Variants in EPHA5 observed in about 807,000 individuals in gnomAD.
EPHA5 encodes ephrin type-A receptor 5.
In EPHA5, 60 loss-of-function variants were observed where a neutral mutation model predicts 105.0. The ratio of observed to expected loss-of-function variants is 0.57; its 90% CI spans 0.46 to 0.71. The LOEUF is 0.71. Among genes scored for constraint, EPHA5 ranks in the 30% least tolerant of loss-of-function variants. The probability of loss-of-function intolerance (pLI) is 0.00; values close to 1 mark genes in which losing one functional copy is unlikely to be tolerated. For synonymous variants in EPHA5, 513 were observed against 449.1 expected, an observed-to-expected ratio of 1.14 and a Z score of -1.80; for missense variants, 1,218 against 1,274.7, an observed-to-expected ratio of 0.96 and a Z score of 0.68.
chr4:65,327,299 G>C (rs1340510139), intron 16 of EPHA5, among the ~76,000 whole-genome samples: 1 of 151,168 alleles, frequency 6.6e-6, no homozygotes, highest in Non-Finnish European at 1.5e-5. Flanking sequence ...GTGAACTAGG[G>C]ATAAAATTTT....
chr4:65,326,222 A>C (rs184849711), intron 16 of EPHA5, among the ~76,000 whole-genome samples: 2 of 151,200 alleles, frequency 1.3e-5, no homozygotes, highest in Admixed American at 1.3e-4. Flanking sequence ...TGAGGAAACA[A>C]AGGCTTAGAT....
intron 1 of EPHA5, among the ~76,000 whole-genome samples, chr4:65,653,124 T>C (rs1197860135): frequency 6.6e-6 from 1 of 152,058 alleles, no homozygotes; most frequent in Non-Finnish European, 1.5e-5. Context: ...AAACAACCTA[T>C]ATAATCATTA....
intron 5 of EPHA5, among the ~76,000 whole-genome samples, chr4:65,425,024 T>C (rs764349713): frequency 1.3e-5 from 2 of 152,046 alleles, no homozygotes; most frequent in Non-Finnish European, 2.9e-5. Context: ...TAGAATCAAG[T>C]ATTGGTTACT....
intron 3 of EPHA5, among the ~76,000 whole-genome samples, chr4:65,577,431 C>T (rs1285629100): frequency 6.6e-6 from 1 of 151,986 alleles, no homozygotes; most frequent in Non-Finnish European, 1.5e-5. Flanking sequence ...TTTTTAAAAT[C>T]TGCTTTATTA....
At chr4:65,342,634 C>A (rs1052515367) in intron 14 of EPHA5, among the ~76,000 whole-genome samples, 1 of 150,374 alleles carries the variant, frequency 6.7e-6, no homozygotes, top group South Asian at 2.1e-4. Flanking sequence ...GAGCAATATA[C>A]ATAAACATAT....
chr4:65,652,081 T>A (rs1171030922), intron 1 of EPHA5, among the ~76,000 whole-genome samples: 1 of 152,156 alleles, frequency 6.6e-6, no homozygotes, highest in African/African-American at 2.4e-5. Flanking sequence ...AAAGCCAACA[T>A]TAGATGATAT....
intron 3 of EPHA5, among the ~76,000 whole-genome samples, chr4:65,510,354 T>G (rs1733498637): frequency 6.6e-6 from 1 of 152,066 alleles, no homozygotes; most frequent in Non-Finnish European, 1.5e-5. Context: ...GGATACATAC[T>G]TCTGTTAGCA....
intron 13 of EPHA5, among the ~76,000 whole-genome samples, chr4:65,348,811 A>ATTT (rs1237822654): frequency 0.095 from 5,365 of 56,308 alleles, 870 homozygotes; most frequent in East Asian, 0.24. Flanking sequence ...ATATATATAT[A>ATTT]TATATTTTTT....
chr4:65,541,553 G>A lies in EPHA5; in HGVS notation c.911-46010C>T, dbSNP rs142181543. 3.4e-3 allele frequency among the ~76,000 whole-genome samples: 522 copies of A among 151,716 alleles called. 4 individuals are homozygous for A. The highest frequency in any genetic ancestry group is 5.1e-3 in the Non-Finnish European group (345 of 67,688). ...AACAATTCAACAAGAAGAGCTAACT[G>A]TCACAAAGATATATGCACCCAACAC... On this transcript the variant is annotated intron_variant, in intron 3 of 16. Transcript: ENST00000613740.
intron 3 of EPHA5, among the ~76,000 whole-genome samples, chr4:65,600,277 T>C (rs1208706764): frequency 7.2e-5 from 11 of 152,104 alleles, no homozygotes; most frequent in Non-Finnish European, 1.5e-4. Flanking sequence ...ATGATTCTTT[T>C]CCCCAATAAG....
intron 3 of EPHA5, among the ~76,000 whole-genome samples, chr4:65,525,196 A>G (rs1481817438): frequency 6.6e-6 from 1 of 151,764 alleles, no homozygotes; most frequent in African/African-American, 2.4e-5. Context: ...TTTTAATAAT[A>G]TTAAAAGCTA....
Position 65,537,128 on chromosome 4 carries a change from A to T in EPHA5, c.911-41585T>A, listed in dbSNP as rs182451380. On this transcript the variant is annotated intron_variant, in intron 3 of 16. Coordinates refer to ENST00000613740, the MANE Select transcript of EPHA5 (RefSeq NM_001281766.3). ...TATCTGTATTTTCCCTGTGGTGGAAATAAAAGAAGGTACTGAACAAAAATT... is the reference window on the plus strand; with the variant it reads ...TATCTGTATTTTCCCTGTGGTGGAATTAAAAGAAGGTACTGAACAAAAATT... Among the ~76,000 whole-genome samples, 7 of 151,960 alleles carry T rather than the reference A, an allele frequency of 4.6e-5. No homozygotes were observed. In the East Asian group the frequency reaches 1.4e-3, roughly 29 times the overall value.
At chr4:65,462,844 T>C (rs945608012) in intron 5 of EPHA5, among the ~76,000 whole-genome samples, 1 of 152,142 alleles carries the variant, frequency 6.6e-6, no homozygotes, top group African/African-American at 2.4e-5. Flanking sequence ...CCTTTAAAGG[T>C]ATCTGGCCAT....
intron 3 of EPHA5, among the ~76,000 whole-genome samples, chr4:65,577,397 G>C (rs887832701): frequency 1.1e-4 from 17 of 151,978 alleles, no homozygotes; most frequent in Admixed American, 6.6e-5. Flanking sequence ...AAAAATTAGT[G>C]ACAATTGCAT....
intron 4 of EPHA5, 81 bp downstream of exon 4, chr4:65,495,307 T>C (rs1315176946): frequency 1.4e-6 from 2 of 1,386,368 alleles, no homozygotes; most frequent in African/African-American, 1.5e-5. Context: ...GAAATGTTAC[T>C]AGACTATAAC....
chr4:65,495,348 G>A (rs1731817712), intron 4 of EPHA5, 40 bp downstream of exon 4: 1 of 1,592,122 alleles, frequency 6.3e-7, no homozygotes, highest in Non-Finnish European at 8.6e-7. Context: ...CTCAAAACTG[G>A]TTAAAGTTAG....
intron 5 of EPHA5, among the ~76,000 whole-genome samples, chr4:65,438,072 C>G (rs916874880): frequency 6.6e-6 from 1 of 151,810 alleles, no homozygotes; most frequent in Non-Finnish European, 1.5e-5. Context: ...TAATTAAATA[C>G]TTGGAGGGAG....
chr4:65,415,189 A>T lies in EPHA5; in HGVS notation c.1528-746T>A, dbSNP rs576155247. Among the ~76,000 whole-genome samples the T allele has an allele frequency of 4.6e-5, 7 of 152,266 alleles. No homozygotes were observed. The South Asian group carries it at 1.5e-3, about 32-fold the overall frequency. On this transcript the variant is annotated intron_variant, in intron 6 of 16. Coordinates refer to ENST00000613740, the MANE Select transcript of EPHA5 (RefSeq NM_001281766.3). Reference sequence around the variant, plus strand: ...CCATAGCTCCTTATTATCTCTGTGAAGTTACCACACCAACTTTACCATGGA... The same window carrying T: ...CCATAGCTCCTTATTATCTCTGTGATGTTACCACACCAACTTTACCATGGA...
intron 3 of EPHA5, among the ~76,000 whole-genome samples, chr4:65,569,372 ATGTGCC>A (rs1739885438): frequency 6.6e-6 from 1 of 151,622 alleles, no homozygotes; most frequent in African/African-American, 2.4e-5. Context: ...AGAGGAAAAA[ATGTGCC>A]ATTGTAAGCT....
Sources: allele counts gnomAD v4.1 joint callset (sites outside exome capture counted in the v4.1 genomes callset), GRCh38; gene constraint gnomAD v4.1.1; transcripts MANE v1.5; gene names NCBI Gene and HGNC (gene_info 2026-07-23, HGNC 2026-07-21).